MAP2K6: variants seen among roughly 807,000 people sequenced by gnomAD.
MAP2K6 encodes the protein dual specificity mitogen-activated protein kinase kinase 6.
Under a neutral mutation model 53.7 loss-of-function variants are expected in MAP2K6, and 16 were observed. The observed-to-expected ratio is 0.30, with a 90% CI of 0.20 to 0.45. MAP2K6 has a LOEUF of 0.45. Ranked by LOEUF, MAP2K6 falls within the 20% of genes least tolerant of loss-of-function variation. The pLI, the probability that MAP2K6 is intolerant of heterozygous loss-of-function variation, is 1.00. For synonymous variants in MAP2K6, 132 were observed against 143.1 expected, an observed-to-expected ratio of 0.92 and a Z score of 0.55; for missense variants, 204 against 411.9, an observed-to-expected ratio of 0.50 and a Z score of 4.37.
chr17:69,500,855 A>G (rs1053867190), intron 1 of MAP2K6, among the ~76,000 whole-genome samples: 2 of 152,126 alleles, frequency 1.3e-5, no homozygotes, highest in South Asian at 2.1e-4. Flanking sequence ...TCTCAGTGGT[A>G]TATAAGAGCC....
At chr17:69,468,863 T>A (rs1372887179) in intron 1 of MAP2K6, among the ~76,000 whole-genome samples, 1 of 152,136 alleles carries the variant, frequency 6.6e-6, no homozygotes, top group East Asian at 1.9e-4. Context: ...AAAGGCGGGT[T>A]GAACAAGCAA....
intron 2 of MAP2K6, among the ~76,000 whole-genome samples, chr17:69,508,416 A>T (rs377248484): frequency 7.9e-5 from 12 of 152,108 alleles, no homozygotes; most frequent in African/African-American, 2.9e-4. Flanking sequence ...AATGTAGAAT[A>T]TGTTTTTAGG....
At chr17:69,455,039 T>G (rs2715811) in intron 1 of MAP2K6, among the ~76,000 whole-genome samples, 41,070 of 151,014 alleles carry the variant, frequency 0.27, 6,364 homozygotes, top group Non-Finnish European at 0.37. Flanking sequence ...ATTATTATTT[T>G]TTTTTTTTTT....
Position 69,548,619 on chromosome 17 carries a change from G to A in MAP2K6, c.*6866G>A, listed in dbSNP as rs1000003479. On this transcript the variant is annotated 3_prime_UTR_variant, in exon 12 of 12. Transcript: ENST00000590474. ...CAGCAACTTACCTAAAAGAATGTTT[G>A]CTCTTCACCTAGGGAAATAAAACCT... 5.3e-5 allele frequency: 8 copies of A among 152,118 alleles called. No individual in the cohort carries two copies. Among genetic ancestry groups the A allele is most frequent in the Admixed American group, 5.2e-4 (8 of 15,262 alleles). The allele number at this position is 152,118 out of a possible 1,614,324, so 9.4% of individuals were successfully genotyped here.
At chr17:69,426,009 G>T (rs753372001) in intron 1 of MAP2K6, among the ~76,000 whole-genome samples, 10 of 151,946 alleles carry the variant, frequency 6.6e-5, no homozygotes, top group Non-Finnish European at 1.3e-4. Flanking sequence ...TACCTAAAAA[G>T]AGGACTTGGA....
intron 1 of MAP2K6, among the ~76,000 whole-genome samples, chr17:69,428,011 G>A (rs1353108896): frequency 6.6e-6 from 1 of 152,114 alleles, no homozygotes; most frequent in African/African-American, 2.4e-5. Context: ...GGCAGGTAGA[G>A]GACTAGCTGT....
At chr17:69,503,072 C>A (rs1317531747) in intron 1 of MAP2K6, among the ~76,000 whole-genome samples, 2 of 152,214 alleles carry the variant, frequency 1.3e-5, no homozygotes, top group Non-Finnish European at 2.9e-5. Context: ...TAAATGACAA[C>A]TGGAGACCAG....
At chr17:69,428,852 G>A (rs1172023816) in intron 1 of MAP2K6, among the ~76,000 whole-genome samples, 1 of 102,360 alleles carries the variant, frequency 9.8e-6, no homozygotes, top group African/African-American at 5.3e-5. Flanking sequence ...CCTTTCTTCT[G>A]TTTTTGTTTT....
intron 7 of MAP2K6, among the ~76,000 whole-genome samples, 162 bp from the exon 8 acceptor site, chr17:69,523,352 G>C (rs1333361962): frequency 1.3e-5 from 2 of 152,208 alleles, no homozygotes; most frequent in Non-Finnish European, 2.9e-5. Context: ...AAAGCAATAA[G>C]CTGTTGTTAA....
intron 1 of MAP2K6, among the ~76,000 whole-genome samples, chr17:69,442,551 G>C (rs1906853470): frequency 6.6e-6 from 1 of 152,174 alleles, no homozygotes; most frequent in Non-Finnish European, 1.5e-5. Flanking sequence ...TAAGCCTGTG[G>C]ACATTAAATC....
rs1911809771 is a variant in MAP2K6 at position 69,544,710 on chromosome 17, G to A, written c.*2957G>A. Reference sequence around the variant, plus strand: ...ATAGCCATCTTTTTTGATATTATTGGTTTAAGAGGTGTGCCAAAAAAAGTA... The same window carrying A: ...ATAGCCATCTTTTTTGATATTATTGATTTAAGAGGTGTGCCAAAAAAAGTA... On this transcript the variant is annotated 3_prime_UTR_variant, in exon 12 of 12. Coordinates refer to ENST00000590474, the MANE Select transcript of MAP2K6 (RefSeq NM_002758.4). The A allele has an allele frequency of 1.3e-5, 2 of 152,162 alleles. No individual in the cohort carries two copies. Among genetic ancestry groups the A allele is most frequent in the Non-Finnish European group, 2.9e-5 (2 of 68,008 alleles). 9.4% of individuals were successfully genotyped at this position (152,162 alleles called of 1,614,324 possible).
Position 69,435,865 on chromosome 17 carries a change from G to T in MAP2K6, c.16+20865G>T, listed in dbSNP as rs144383231. Among the ~76,000 whole-genome samples the T allele has an allele frequency of 8.6e-5, 13 of 151,894 alleles. No individual in the cohort carries two copies. The East Asian group carries it at 2.3e-3, about 27-fold the overall frequency. Reference sequence around the variant, plus strand: ...ATATTTTTAGTAGAGATGGGGTTTCGCCATGTTGGCTAGGCTGGTCTCGAA... The same window carrying T: ...ATATTTTTAGTAGAGATGGGGTTTCTCCATGTTGGCTAGGCTGGTCTCGAA... On this transcript the variant is annotated intron_variant, in intron 1 of 11. Coordinates refer to ENST00000590474, the MANE Select transcript of MAP2K6 (RefSeq NM_002758.4).
chr17:69,430,125 G>A (rs866296249), intron 1 of MAP2K6, among the ~76,000 whole-genome samples: 12 of 152,094 alleles, frequency 7.9e-5, no homozygotes, highest in Non-Finnish European at 2.9e-5. Flanking sequence ...TCAGGAGTTC[G>A]AGACCAGCCT....
At chr17:69,521,806 CAAAAAAAAAAA>C (rs71293537) in intron 7 of MAP2K6, 1 of 79,352 alleles carries the variant, frequency 1.3e-5, no homozygotes, top group African/African-American at 4.7e-5. Flanking sequence ...GATAAATGTA[CAAAAAAAAAAA>C]AAAAAAAAAA....
Position 69,416,393 on chromosome 17 carries a change from G to A in MAP2K6, c.16+1393G>A, listed in dbSNP as rs117064693. Among the ~76,000 whole-genome samples, 781 of 152,276 alleles carry A rather than the reference G, an allele frequency of 5.1e-3. 3 individuals are homozygous for A. Among genetic ancestry groups the A allele is most frequent in the Middle Eastern group, 0.01 (3 of 292 alleles). ...AGGAATTGACATATCAGGTGGAGAT[G>A]TTCCTCAAGTGGGGAAAACCTAAAA... On this transcript the variant is annotated intron_variant, in intron 1 of 11. Coordinates refer to ENST00000590474, the MANE Select transcript of MAP2K6 (RefSeq NM_002758.4).
intron 1 of MAP2K6, among the ~76,000 whole-genome samples, chr17:69,422,244 G>A (rs555713017): frequency 7.9e-4 from 113 of 143,916 alleles, no homozygotes; most frequent in African/African-American, 2.8e-3. Flanking sequence ...CAATTCTCCT[G>A]CCTCAGCCTC....
At chr17:69,424,249 A>C (rs986167704) in intron 1 of MAP2K6, among the ~76,000 whole-genome samples, 3 of 152,188 alleles carry the variant, frequency 2.0e-5, no homozygotes, top group African/African-American at 7.2e-5. Flanking sequence ...CTGAAAATGA[A>C]GGGAGGTGAA....
At chr17:69,512,981 T>A (rs1909942520) in intron 2 of MAP2K6, among the ~76,000 whole-genome samples, 1 of 152,166 alleles carries the variant, frequency 6.6e-6, no homozygotes, top group Non-Finnish European at 1.5e-5. Context: ...TGGAAGACCT[T>A]TGGTCTTCCA....
intron 1 of MAP2K6, among the ~76,000 whole-genome samples, chr17:69,446,716 C>T (rs920301441): frequency 6.6e-6 from 1 of 152,150 alleles, no homozygotes; most frequent in African/African-American, 2.4e-5. Flanking sequence ...TCTGCTTACC[C>T]TGCCTTTTGG....
Sources: gnomAD v4.1 joint callset for allele counts (sites outside exome capture counted in the v4.1 genomes callset) on GRCh38, gnomAD v4.1.1 for gene constraint, MANE v1.5 for transcripts, NCBI Gene and HGNC (gene_info 2026-07-23, HGNC 2026-07-21) for gene names.